ADGRB2: variants seen among roughly 807,000 people sequenced by gnomAD.
ADGRB2 encodes adhesion G protein-coupled receptor B2, also known as brain-specific angiogenesis inhibitor 2.
ADGRB2 carries 47 observed loss-of-function variants against 178.7 expected under a neutral mutation model. The observed-to-expected ratio is 0.26, with a 90% CI of 0.21 to 0.34. ADGRB2 has a LOEUF of 0.34. ADGRB2 is among the 10% of genes least tolerant of loss of function. ADGRB2 has a pLI of 1.00. For synonymous variants in ADGRB2, 870 were observed against 912.4 expected (o/e 0.95, Z 0.84); for missense variants, 1,584 against 2,180.8 (o/e 0.73, Z 5.45).
Position 31,737,729 on chromosome 1 carries a change from C to G in ADGRB2, c.2799G>C (p.Ser933=). The G allele has an allele frequency of 6.2e-7, 1 of 1,613,592 alleles. No individual in the cohort carries two copies. The highest frequency in any genetic ancestry group is 8.5e-7 in the Non-Finnish European group (1 of 1,179,996). Residue 933 remains serine, a synonymous_variant, in exon 19 of 33, where the codon TCG becomes TCC. Transcript: ENST00000373658. ...CTGCACAGCCGATCACCAGGGGGAC[C>G]GAGGGGGAGCCCGCCAGCTCCAGGG... ...DLTLELAGSP[S]VPLVIGCAVS...
In ADGRB2 at chr1:31,744,811, CT is replaced by C; in HGVS notation, c.839-81del. 1 of 1,457,676 alleles carries C rather than the reference CT, an allele frequency of 6.9e-7. No individual in the cohort carries two copies. The allele number at this position is 1,457,676 out of a possible 1,614,324, so 90.3% of individuals were successfully genotyped here. On this transcript the variant is annotated intron_variant, in intron 4 of 32. Coordinates refer to ENST00000373658, the MANE Select transcript of ADGRB2 (RefSeq NM_001364857.2). This position sits in a 1 kb window ranked among gnomAD's most constrained non-coding sequence, Gnocchi z 6.7. Reference sequence around the variant, plus strand: ...CAGTGGCACAGTGAAGGCAGCCTTCCTTGCCCTCCGCCTGAGGGCCTGGAAC... The same window carrying C: ...CAGTGGCACAGTGAAGGCAGCCTTCCTGCCCTCCGCCTGAGGGCCTGGAAC...
In ADGRB2 at chr1:31,737,768, G is replaced by A; in HGVS notation, c.2773-13C>T. On this transcript the variant is annotated splice_polypyrimidine_tract_variant and intron_variant, in intron 18 of 32. Coordinates refer to ENST00000373658, the MANE Select transcript of ADGRB2 (RefSeq NM_001364857.2). ...CCAGCTCCAGGGTCTGGGGAAGATGGGCAGACAGTCAGATGGGTTCCTGGG... is the reference window on the plus strand; with the variant it reads ...CCAGCTCCAGGGTCTGGGGAAGATGAGCAGACAGTCAGATGGGTTCCTGGG... 6.2e-7 allele frequency: 1 copy of A among 1,612,200 alleles called. No individual in the cohort carries two copies. Among genetic ancestry groups the A allele is most frequent in the Non-Finnish European group, 8.5e-7 (1 of 1,179,194 alleles).
intron 18 of ADGRB2, 149 bp from the exon 19 acceptor site, chr1:31,737,904 C>T (rs892279963): frequency 1.2e-6 from 1 of 803,292 alleles, no homozygotes; most frequent in African/African-American, 1.7e-5. Context: ...ACAGAACAGA[C>T]CCGGGTATCT....
rs182142795 is a variant in ADGRB2 at position 31,741,563 on chromosome 1, C to G, written c.1687+61G>C. Reference sequence around the variant, plus strand: ...CCGTATCTCAGAGAGGCTGGGGGCGCAGAAGGGGGCAATGAGAATGGCAGG... The same window carrying G: ...CCGTATCTCAGAGAGGCTGGGGGCGGAGAAGGGGGCAATGAGAATGGCAGG... On this transcript the variant is annotated intron_variant, in intron 10 of 32. Coordinates refer to ENST00000373658, the MANE Select transcript of ADGRB2 (RefSeq NM_001364857.2). This position sits in a 1 kb window ranked among gnomAD's most constrained non-coding sequence, Gnocchi z 6.5. 1.3e-6 allele frequency: 2 copies of G among 1,599,436 alleles called. No homozygotes were observed. Among genetic ancestry groups the G allele is most frequent in the East Asian group, 2.2e-5 (1 of 44,638 alleles).
In ADGRB2 at chr1:31,731,359, A is replaced by G; in HGVS notation, c.3821T>C (p.Leu1274Pro). Residue 1274 changes from leucine (L) to proline (P), a missense_variant, in exon 29 of 33, where the codon CTG becomes CCG. By Grantham distance (98) the Leu-to-Pro change is moderately conservative. Coordinates refer to ENST00000373658, the MANE Select transcript of ADGRB2 (RefSeq NM_001364857.2). ...GGGCTCCTCATCCTCATCCAGGGAC[A>G]GGCGGGATAGTGTGCCCGTGATGGT... ...PSTITGTLSR[L>P]SLDEDEEPKS... The G allele has an allele frequency of 2.5e-6, 4 of 1,612,548 alleles. No individual in the cohort carries two copies. The highest frequency in any genetic ancestry group is 3.4e-6 in the Non-Finnish European group (4 of 1,179,770).
At chr1:31,762,616 A>G (rs1186107817) in intron 1 of ADGRB2, among the ~76,000 whole-genome samples, 1 of 137,236 alleles carries the variant, frequency 7.3e-6, no homozygotes, top group African/African-American at 2.7e-5. Flanking sequence ...CCCCACCCCA[A>G]CCCATCCCAC....
At chr1:31,750,192 C>G (rs187149769) in intron 4 of ADGRB2, among the ~76,000 whole-genome samples, 1 of 152,294 alleles carries the variant, frequency 6.6e-6, no homozygotes, top group Admixed American at 6.5e-5. Context: ...TATGCTGGTC[C>G]TCTTTTCTAT....
At chr1:31,746,415 CA>C (rs1298589005) in intron 4 of ADGRB2, among the ~76,000 whole-genome samples, 2 of 152,120 alleles carry the variant, frequency 1.3e-5, no homozygotes, top group Admixed American at 1.3e-4. Flanking sequence ...CCAGGCGTGC[CA>C]GCTCCTCGAT....
Position 31,741,870 on chromosome 1 carries a change from C to T in ADGRB2, c.1515G>A (p.Thr505=), listed in dbSNP as rs767566654. The change falls in exon 9 of 33, where the codon ACG becomes ACA. Residue 505 remains threonine (T), a synonymous_variant. Coordinates refer to ENST00000373658, the MANE Select transcript of ADGRB2 (RefSeq NM_001364857.2). This position sits in a 1 kb window ranked among gnomAD's most constrained non-coding sequence, Gnocchi z 6.5. The stretch of plus-strand genomic sequence containing the variant: ...CCTCGCAGGGGTAGCCCTGCGTGCC[C>T]GTGGCCTGGCACATGCGGAAGCGGC... ...WQRRFRMCQA[T]GTQGYPCEGT... The T allele has an allele frequency of 8.1e-6, 13 of 1,611,044 alleles. No individual in the cohort carries two copies. The Admixed American group carries it at 1.0e-4, about 12-fold the overall frequency.
intron 2 of ADGRB2, 34 bp from the exon 3 acceptor site, chr1:31,757,315 A>G (rs1646889148): frequency 3.3e-6 from 5 of 1,516,902 alleles, no homozygotes; most frequent in Non-Finnish European, 4.6e-6. Context: ...ATGTTTGACT[A>G]TGATTTGCTT....
At chr1:31,750,180 G>A (rs1014176030) in intron 4 of ADGRB2, among the ~76,000 whole-genome samples, 4 of 152,118 alleles carry the variant, frequency 2.6e-5, no homozygotes, top group Admixed American at 2.0e-4. Flanking sequence ...CAGTGGTTTC[G>A]ATATGCTGGT....
In ADGRB2 at chr1:31,735,560, C is replaced by T. The variant is rs1645553990; in HGVS notation, c.3353+20G>A. The T allele has an allele frequency of 1.2e-6, 2 of 1,612,516 alleles. No homozygotes were observed. Among genetic ancestry groups the T allele is most frequent in the Non-Finnish European group, 8.5e-7 (1 of 1,178,610 alleles). ...TGCACCATTTCCAGAAAGGCCAAGT[C>T]TCAGAGGCCCCCCCCTTACCCGGCC... On this transcript the variant is annotated intron_variant, in intron 24 of 32. Coordinates refer to ENST00000373658, the MANE Select transcript of ADGRB2 (RefSeq NM_001364857.2). This position sits in a 1 kb window ranked among gnomAD's most constrained non-coding sequence, Gnocchi z 6.0.
chr1:31,727,531 A>G lies in ADGRB2; in HGVS notation c.4647T>C (p.Ser1549=), dbSNP rs1306314686. The stretch of plus-strand genomic sequence containing the variant: ...TGGGGGGCAGCGAGCCCAGTGTCAT[A>G]GATTTGAAGGTGCTCCAGCTCTGAT... ...RRHQSWSTFK[S]MTLGSLPPKP... Residue 1549 remains serine, a synonymous_variant, in exon 33 of 33, where the codon TCT becomes TCC. Coordinates refer to ENST00000373658, the MANE Select transcript of ADGRB2 (RefSeq NM_001364857.2). This position sits in a 1 kb window ranked among gnomAD's most constrained non-coding sequence, Gnocchi z 4.4. The G allele has an allele frequency of 1.9e-6, 3 of 1,598,622 alleles. No individual in the cohort carries two copies. The highest frequency in any genetic ancestry group is 1.8e-5 in the Admixed American group (1 of 55,180).
intron 19 of ADGRB2, 53 bp downstream of exon 19, chr1:31,737,599 C>G: frequency 6.2e-7 from 1 of 1,610,762 alleles, no homozygotes; most frequent in Non-Finnish European, 8.5e-7. Context: ...GGCTGGCCAC[C>G]TTCTGCGCCT....
At chr1:31,737,262 G>A (rs1434167879) in intron 20 of ADGRB2, among the ~76,000 whole-genome samples, 167 bp downstream of exon 20, 2 of 152,072 alleles carry the variant, frequency 1.3e-5, no homozygotes, top group Admixed American at 6.5e-5. Context: ...CCTCTCCAAT[G>A]TCCTCACATA....
chr1:31,737,436 A>G lies in ADGRB2; in HGVS notation c.2972T>C (p.Leu991Pro). Reference protein sequence around the residue: ...ILILVGQSRVLSKGVCTMTAA... With the variant: ...ILILVGQSRVPSKGVCTMTAA... ...CTGGAAGTCTGCACCTGCCTTGCTCAGCACCCGGGACTGGCCCACGAGGAT... is the reference window on the plus strand; with the variant it reads ...CTGGAAGTCTGCACCTGCCTTGCTCGGCACCCGGGACTGGCCCACGAGGAT... Residue 991 changes from leucine to proline, a missense_variant, in exon 20 of 33, where the codon CTG becomes CCG. By Grantham distance (98) the Leu-to-Pro change is moderately conservative (BLOSUM62 -3). Around this residue, in one of 3 missense-constraint regions of ADGRB2, gnomAD observed 865 missense variants for 1,192.8 expected, o/e 0.73. Transcript: ENST00000373658. The G allele has an allele frequency of 6.2e-7, 1 of 1,613,996 alleles. No individual in the cohort carries two copies.
rs778932426 is a variant in ADGRB2 at position 31,753,761 on chromosome 1, G to C, written c.838+2238C>G. Reference sequence around the variant, plus strand: ...GACCCTCAGACATGCCCTGACATGTGGAACAAACAGTCATGTGCCCGCTAT... The same window carrying C: ...GACCCTCAGACATGCCCTGACATGTCGAACAAACAGTCATGTGCCCGCTAT... On this transcript the variant is annotated intron_variant, in intron 4 of 32. Transcript: ENST00000373658. The surrounding 1 kb of genome is among the most constrained non-coding windows in gnomAD (Gnocchi z 4.1). 2.6e-5 allele frequency among the ~76,000 whole-genome samples: 4 copies of C among 152,196 alleles called. No homozygotes were observed. The highest frequency in any genetic ancestry group is 5.9e-5 in the Non-Finnish European group (4 of 68,036).
Position 31,754,204 on chromosome 1 carries a change from C to T in ADGRB2, c.838+1795G>A, listed in dbSNP as rs74065916. On this transcript the variant is annotated intron_variant, in intron 4 of 32. Coordinates refer to ENST00000373658, the MANE Select transcript of ADGRB2 (RefSeq NM_001364857.2). The surrounding 1 kb of genome is among the most constrained non-coding windows in gnomAD (Gnocchi z 5.7). ...CCCTCTCTGATCCCCAAAGACACCCCAGCTACCAACCAACTCCTGCTTCCG... is the reference window on the plus strand; with the variant it reads ...CCCTCTCTGATCCCCAAAGACACCCTAGCTACCAACCAACTCCTGCTTCCG... Among the ~76,000 whole-genome samples the T allele has an allele frequency of 6.4e-3, 972 of 152,358 alleles. 13 individuals are homozygous for T. Among genetic ancestry groups the T allele is most frequent in the African/African-American group, 0.022 (905 of 41,574 alleles).
chr1:31,737,324 T>C (rs1645668879), intron 20 of ADGRB2, 105 bp downstream of exon 20: 1 of 1,081,626 alleles, frequency 9.2e-7, no homozygotes, highest in Non-Finnish European at 1.4e-6. Context: ...GGGGCACACA[T>C]ACACCACCAC....
Sources: allele counts gnomAD v4.1 joint callset (sites outside exome capture counted in the v4.1 genomes callset), GRCh38; gene constraint gnomAD v4.1.1; regional missense constraint gnomAD v4.1.1; non-coding constraint Gnocchi (gnomAD v3.1); transcripts MANE v1.5; gene names NCBI Gene and HGNC (gene_info 2026-07-23, HGNC 2026-07-21).